Variants in SUZ12 observed in about 807,000 individuals in gnomAD.
SUZ12 encodes the protein polycomb protein SUZ12.
SUZ12 carries 17 observed loss-of-function variants against 87.3 expected under a neutral mutation model. The observed-to-expected ratio is 0.19, with a 90% confidence interval of 0.13 to 0.29. The LOEUF (loss-of-function observed/expected upper bound fraction) is 0.29. SUZ12 is among the 10% of genes least tolerant of loss of function. SUZ12 has a pLI of 1.00. For missense variants in SUZ12, 526 were observed against 912.2 expected (o/e 0.58, Z 5.45); for synonymous variants, 253 against 312.4 (o/e 0.81, Z 2.01).
At position 31,948,926 on chromosome 17, in the gene SUZ12, C is replaced by T. The variant is rs535720416; in HGVS notation, c.455+1241C>T. 9.4e-4 allele frequency among the ~76,000 whole-genome samples: 143 copies of T among 152,290 alleles called. 3 individuals are homozygous for T. The South Asian group carries it at 0.028, about 30-fold the overall frequency. On this transcript the variant is annotated intron_variant, in intron 4 of 15. Coordinates refer to ENST00000322652, the MANE Select transcript of SUZ12 (RefSeq NM_015355.4). The stretch of plus-strand genomic sequence containing the variant: ...TATATTCCAGATTCTTGTCTGGTCA[C>T]CCACCCTAGACAGAGCTCTTGGGAT...
chr17:31,982,832 T>C (rs977172290), intron 8 of SUZ12, among the ~76,000 whole-genome samples, 167 bp from the exon 9 acceptor site: 1 of 152,216 alleles, frequency 6.6e-6, no homozygotes, highest in Non-Finnish European at 1.5e-5. Context: ...ATCATTAAAA[T>C]TGCTTTCATC....
intron 4 of SUZ12, among the ~76,000 whole-genome samples, chr17:31,956,479 G>A (rs1385118292): frequency 1.3e-5 from 2 of 152,080 alleles, no homozygotes; most frequent in Non-Finnish European, 2.9e-5. Context: ...ATAAGCCGCC[G>A]CACCCAGTCA....
chr17:31,969,243 C>A (rs1448975211), intron 5 of SUZ12, among the ~76,000 whole-genome samples: 3 of 152,168 alleles, frequency 2.0e-5, no homozygotes, highest in African/African-American at 4.8e-5. Context: ...CTCCCGGGTT[C>A]AAGCAATTCT....
chr17:31,952,372 A>G (rs1278693253), intron 4 of SUZ12, among the ~76,000 whole-genome samples: 1 of 151,914 alleles, frequency 6.6e-6, no homozygotes, highest in Non-Finnish European at 1.5e-5. Flanking sequence ...TATTTTCTTT[A>G]CAGAAGGTCT....
chr17:31,991,001 C>T (rs1228804470), intron 10 of SUZ12, among the ~76,000 whole-genome samples: 1 of 152,182 alleles, frequency 6.6e-6, no homozygotes, highest in African/African-American at 2.4e-5. Context: ...CCTACCTTAG[C>T]ATCCCAAAGT....
chr17:31,943,169 G>A (rs1906408203), intron 3 of SUZ12, among the ~76,000 whole-genome samples: 1 of 152,182 alleles, frequency 6.6e-6, no homozygotes, highest in Non-Finnish European at 1.5e-5. Context: ...TAAAAAGGAG[G>A]TGATGAATTA....
chr17:31,992,310 T>C (rs937153899), intron 10 of SUZ12, among the ~76,000 whole-genome samples: 1 of 152,062 alleles, frequency 6.6e-6, no homozygotes, highest in East Asian at 1.9e-4. Context: ...AAAAAACACA[T>C]TCTGACCTCA....
rs563786463 is a variant in SUZ12, at chr17:31,954,524, C to T, written c.455+6839C>T. 6.6e-4 allele frequency among the ~76,000 whole-genome samples: 100 copies of T among 152,028 alleles called. 3 individuals carry two copies. The South Asian group carries it at 0.02, about 31-fold the overall frequency. On this transcript the variant is annotated intron_variant, in intron 4 of 15. Transcript: ENST00000322652. ...CAATGTCCTAGGCACTATACTAAGCCCTCGGGTATATAAGGGTGAACAAAA... is the reference window on the plus strand; with the variant it reads ...CAATGTCCTAGGCACTATACTAAGCTCTCGGGTATATAAGGGTGAACAAAA...
At chr17:31,939,921 A>G (rs1296938413) in intron 1 of SUZ12, among the ~76,000 whole-genome samples, 2 of 152,204 alleles carry the variant, frequency 1.3e-5, no homozygotes, top group African/African-American at 4.8e-5. Flanking sequence ...CCAGCTGCCT[A>G]TTACAGCTGC....
chr17:31,950,126 A>G (rs1189246010), intron 4 of SUZ12, among the ~76,000 whole-genome samples: 1 of 152,056 alleles, frequency 6.6e-6, no homozygotes, highest in African/African-American at 2.4e-5. Flanking sequence ...AGCAGGGATT[A>G]CAGGTGCCCG....
At position 32,000,808 on chromosome 17, in the gene SUZ12, T is replaced by G. The variant is rs1910219500; in HGVS notation, c.*1805T>G. On this transcript the variant is annotated 3_prime_UTR_variant, in exon 16 of 16. Coordinates refer to ENST00000322652, the MANE Select transcript of SUZ12 (RefSeq NM_015355.4). ...AAATTACTTCTGTTGAGTAAACTTT[T>G]TATGTCATCGTAAAAGCTGAAAAAA... 1 of 229,044 alleles carries G rather than the reference T, an allele frequency of 4.4e-6. No individual in the cohort carries two copies. The highest frequency in any genetic ancestry group is 1.8e-4 in the South Asian group (1 of 5,506). The allele number at this position is 229,044 out of a possible 1,614,324, so 14.2% of individuals were successfully genotyped here.
intron 3 of SUZ12, among the ~76,000 whole-genome samples, chr17:31,944,075 A>G (rs1468358537): frequency 6.6e-6 from 1 of 152,168 alleles, no homozygotes; most frequent in Non-Finnish European, 1.5e-5. Flanking sequence ...AAGTAATTAA[A>G]TTATTATAAA....
intron 4 of SUZ12, among the ~76,000 whole-genome samples, chr17:31,950,816 G>T (rs1479014278): frequency 6.6e-6 from 1 of 151,108 alleles, no homozygotes. Context: ...GTCTCGCTCT[G>T]TCACCGAGGC....
chr17:31,993,841 C>CTT (rs55811201), intron 11 of SUZ12, 24 bp from the exon 12 acceptor site: 868 of 1,277,824 alleles, frequency 6.8e-4, no homozygotes, highest in Middle Eastern at 1.2e-3. Flanking sequence ...TGGAGATTTG[C>CTT]TTTTTTTTTT....
chr17:31,945,367 C>T (rs1906575507), intron 3 of SUZ12, among the ~76,000 whole-genome samples: 2 of 152,140 alleles, frequency 1.3e-5, no homozygotes, highest in Non-Finnish European at 2.9e-5. Context: ...TTATTAAAGT[C>T]AGCTTGTGCT....
intron 9 of SUZ12, among the ~76,000 whole-genome samples, chr17:31,986,722 T>C (rs1909440424): frequency 6.6e-6 from 1 of 152,084 alleles, no homozygotes; most frequent in Non-Finnish European, 1.5e-5. Flanking sequence ...CAGCTAATTT[T>C]TTGTATTTTA....
At chr17:31,986,159 C>T (rs1909407519) in intron 9 of SUZ12, among the ~76,000 whole-genome samples, 1 of 152,130 alleles carries the variant, frequency 6.6e-6, no homozygotes, top group African/African-American at 2.4e-5. Context: ...CTTGGCTGGT[C>T]TCAAACTCCT....
At chr17:31,987,860 C>T (rs1372667505) in intron 9 of SUZ12, among the ~76,000 whole-genome samples, 2 of 151,988 alleles carry the variant, frequency 1.3e-5, no homozygotes, top group East Asian at 1.9e-4. Flanking sequence ...ATTGCTTGAA[C>T]CTGGGAGGGG....
intron 1 of SUZ12, among the ~76,000 whole-genome samples, chr17:31,939,175 A>C (rs1487345451): frequency 6.6e-6 from 1 of 152,204 alleles, no homozygotes; most frequent in East Asian, 1.9e-4. Context: ...GTATTGAGGT[A>C]ATATTTATAT....
Sources: gnomAD v4.1 joint callset for allele counts (sites outside exome capture counted in the v4.1 genomes callset) on GRCh38, gnomAD v4.1.1 for gene constraint, MANE v1.5 for transcripts, NCBI Gene and HGNC (gene_info 2026-07-23, HGNC 2026-07-21) for gene names.